GALNT6: variants seen among roughly 807,000 people sequenced by gnomAD.
The protein encoded by GALNT6 is polypeptide N-acetylgalactosaminyltransferase 6, also known as GalNAc transferase 6.
A neutral mutation model predicts 65.9 loss-of-function variants in GALNT6; 51 were observed. The observed-to-expected ratio is 0.77, with a 90% CI of 0.62 to 0.98. The LOEUF (loss-of-function observed/expected upper bound fraction) is 0.98. Ranked by LOEUF, GALNT6 falls within the 50% of genes least tolerant of loss-of-function variation. The pLI is 0.00. For synonymous variants in GALNT6, 323 were observed against 315.1 expected (o/e 1.02, Z -0.26); for missense variants, 708 against 803.3 (o/e 0.88, Z 1.43).
chr12:51,373,563 T>C (rs1271313420), intron 4 of GALNT6, among the ~76,000 whole-genome samples: 2 of 152,188 alleles, frequency 1.3e-5, no homozygotes, highest in African/African-American at 2.4e-5. Context: ...TAAATGAGAA[T>C]GGACTAATAC....
intron 5 of GALNT6, 117 bp from the exon 6 acceptor site, chr12:51,364,472 G>T (rs1051994846): frequency 4.3e-6 from 3 of 692,530 alleles, no homozygotes; most frequent in African/African-American, 1.8e-5. Context: ...CTGGGTTACA[G>T]GCAGCAAGCC....
intron 6 of GALNT6, among the ~76,000 whole-genome samples, chr12:51,362,993 G>C (rs1946971992): frequency 6.6e-6 from 1 of 152,076 alleles, no homozygotes; most frequent in Non-Finnish European, 1.5e-5. Flanking sequence ...GTGGGCCACT[G>C]TGCCTGGCAT....
At chr12:51,373,172 G>A (rs1392968526) in intron 4 of GALNT6, among the ~76,000 whole-genome samples, 3 of 152,120 alleles carry the variant, frequency 2.0e-5, no homozygotes, top group Non-Finnish European at 4.4e-5. Context: ...GGGGACTGTT[G>A]GAAAGGCATG....
At position 51,388,429 on chromosome 12, in the gene GALNT6, C is replaced by A. The variant is rs140504714; in HGVS notation, c.-104+2421G>T. Among the ~76,000 whole-genome samples the A allele has an allele frequency of 2.3e-3, 354 of 152,342 alleles. 1 individual carries two copies. The highest frequency in any genetic ancestry group is 4.3e-3 in the Non-Finnish European group (290 of 68,020). Reference sequence around the variant, plus strand: ...CAAGCCCAACCAGATGCTTGGCACTCACTGGCTATCTTTTCTTCCTCAAAG... The same window carrying A: ...CAAGCCCAACCAGATGCTTGGCACTAACTGGCTATCTTTTCTTCCTCAAAG... On this transcript the variant is annotated intron_variant, in intron 2 of 11. Transcript: ENST00000356317.
rs540067753 is a variant in GALNT6, at chr12:51,365,447, G to A, written c.797C>T (p.Thr266Met). The change falls in exon 5 of 12, where the codon ACG becomes ATG. Residue 266 changes from threonine (T) to methionine (M), a missense_variant. Thr to Met is a moderately conservative substitution (Grantham distance 81). Transcript: ENST00000356317. ...GASVAQAEVL[T>M]FLDAHCECFH... is the part of the protein sequence containing the mutation. ...GTACTCACAGTGGGCATCCAGGAAC[G>A]TGAGCACCTCCGCCTGTGCCACGCT... 38 of 1,610,578 alleles carry A rather than the reference G, an allele frequency of 2.4e-5. No homozygotes were observed. The Middle Eastern group carries it at 6.8e-4, about 29-fold the overall frequency.
chr12:51,365,508 G>T lies in GALNT6; in HGVS notation c.736C>A (p.Arg246=). ...QVVRVVRQEE[R]KGLITARLLG... ...AGCCGGGCGGTGATCAGCCCCTTCC[G>T]CTCCTCCTGCCGCACCACCCTCACC... is the stretch of plus-strand genomic sequence containing the variant. The change falls in exon 5 of 12, where the codon CGG becomes AGG. Residue 246 remains arginine (R), a synonymous_variant. Transcript: ENST00000356317. 1 of 1,612,600 alleles carries T rather than the reference G, an allele frequency of 6.2e-7. No homozygotes were observed. Among genetic ancestry groups the T allele is most frequent in the South Asian group, 1.1e-5 (1 of 91,010 alleles).
At chr12:51,389,455 G>T (rs192627980) in intron 2 of GALNT6, among the ~76,000 whole-genome samples, 1 of 152,296 alleles carries the variant, frequency 6.6e-6, no homozygotes, top group Non-Finnish European at 1.5e-5. Context: ...TTGCATTCAG[G>T]CCTATGTATC....
At chr12:51,376,080 G>T (rs1421516251) in intron 4 of GALNT6, among the ~76,000 whole-genome samples, 1 of 151,882 alleles carries the variant, frequency 6.6e-6, no homozygotes, top group Non-Finnish European at 1.5e-5. Flanking sequence ...GGCCAGGCTG[G>T]TCTCAAACTC....
chr12:51,352,061 G>A lies in GALNT6; in HGVS notation c.*2318C>T, dbSNP rs541762207. 3 of 152,372 alleles carry A rather than the reference G, an allele frequency of 2.0e-5. No homozygotes were observed. Among genetic ancestry groups the A allele is most frequent in the East Asian group, 3.9e-4 (2 of 5,186 alleles). The allele number at this position is 152,372 out of a possible 1,614,324, so 9.4% of individuals were successfully genotyped here. On this transcript the variant is annotated 3_prime_UTR_variant, in exon 12 of 12. Transcript: ENST00000356317. ...TGTAGGCGGCCTCCCGCAGGGTTGA[G>A]TTGCAATGGGAACAAAGACAGCTGT...
intron 2 of GALNT6, among the ~76,000 whole-genome samples, chr12:51,382,937 A>T (rs1480733193): frequency 6.6e-6 from 1 of 152,198 alleles, no homozygotes; most frequent in East Asian, 1.9e-4. Context: ...ATCTTATTGG[A>T]GAACGAGAAC....
At position 51,364,178 on chromosome 12, in the gene GALNT6, C is replaced by T; in HGVS notation, c.992G>A (p.Trp331Ter). The change falls in exon 6 of 12, where the codon TGG becomes TAG. Residue 331 changes from tryptophan (W) to a stop codon, truncating the protein, a stop_gained. Coordinates refer to ENST00000356317, the MANE Select transcript of GALNT6 (RefSeq NM_007210.4). LOFTEE classifies it high-confidence loss of function. ...CTTCTCATGTGGAGGAAGTGTTTCC[C>T]AGCCGAAGGTCAGGCTCCAGTCAAA... Reference protein sequence around the residue: ...GNFDWSLTFGWETLPPHEKQR... With the variant: ...GNFDWSLTFG 1.2e-6 allele frequency: 2 copies of T among 1,614,156 alleles called. No homozygotes were observed. The highest frequency in any genetic ancestry group is 1.7e-6 in the Non-Finnish European group (2 of 1,180,014).
At chr12:51,388,048 C>T (rs982331379) in intron 2 of GALNT6, among the ~76,000 whole-genome samples, 2 of 152,144 alleles carry the variant, frequency 1.3e-5, no homozygotes, top group Admixed American at 6.5e-5. Context: ...CCATTGCTGC[C>T]AGAAGCATTG....
intron 2 of GALNT6, chr12:51,383,632 C>A (rs528244151): frequency 6.6e-6 from 1 of 152,366 alleles, no homozygotes; most frequent in East Asian, 1.9e-4. Flanking sequence ...GGCATCTAAT[C>A]TCTCAATCCC....
intron 4 of GALNT6, among the ~76,000 whole-genome samples, chr12:51,370,600 A>G (rs10161379): frequency 0.025 from 3,763 of 152,346 alleles, 157 homozygotes; most frequent in African/African-American, 0.086. Context: ...GAAATAAGCC[A>G]GTCACAAAAG....
At chr12:51,365,927 G>A (rs1381134319) in intron 4 of GALNT6, among the ~76,000 whole-genome samples, 1 of 152,120 alleles carries the variant, frequency 6.6e-6, no homozygotes, top group Non-Finnish European at 1.5e-5. Context: ...ACTTTTTGTT[G>A]TTGTTGTTGA....
chr12:51,354,971 A>C (rs1013866884), intron 11 of GALNT6, among the ~76,000 whole-genome samples: 1 of 152,134 alleles, frequency 6.6e-6, no homozygotes, highest in Admixed American at 6.6e-5. Context: ...ATCCTGGAGC[A>C]GTGTGGTGTA....
chr12:51,355,747 G>A (rs916966368), intron 11 of GALNT6, 59 bp downstream of exon 11: 30 of 1,549,476 alleles, frequency 1.9e-5, no homozygotes, highest in Non-Finnish European at 2.5e-5. Context: ...GATTACAGGC[G>A]TGAGCCACCA....
At position 51,387,899 on chromosome 12, in the gene GALNT6, A is replaced by G. The variant is rs912433409; in HGVS notation, c.-104+2951T>C. On this transcript the variant is annotated intron_variant, in intron 2 of 11. Transcript: ENST00000356317. The surrounding 1 kb of genome is among the most constrained non-coding windows in gnomAD (Gnocchi z 4.2). Reference sequence around the variant, plus strand: ...GCTTAATGGGAGAGACTAGAATTGAATTTTTCCTTTTCTCCTCATCCCCCA... The same window carrying G: ...GCTTAATGGGAGAGACTAGAATTGAGTTTTTCCTTTTCTCCTCATCCCCCA... 6.6e-6 allele frequency among the ~76,000 whole-genome samples: 1 copy of G among 151,902 alleles called. No homozygotes were observed. Among genetic ancestry groups the G allele is most frequent in the Non-Finnish European group, 1.5e-5 (1 of 67,960 alleles).
At position 51,377,196 on chromosome 12, in the gene GALNT6, C is replaced by T. The variant is rs1947482890; in HGVS notation, c.663G>A (p.Glu221=). ...EIILVDDAST[E]EHLKEKLEQY... is the part of the protein sequence containing the mutation. Reference sequence around the variant, plus strand: ...TCCTCTGGGCCCCTCCAGCCTCACCCTCTGTGCTGGCATCATCCACCAGTA... The same window carrying T: ...TCCTCTGGGCCCCTCCAGCCTCACCTTCTGTGCTGGCATCATCCACCAGTA... The change falls in exon 4 of 12, where the codon GAG becomes GAA. Residue 221 remains glutamate, a splice_region_variant and synonymous_variant. Coordinates refer to ENST00000356317, the MANE Select transcript of GALNT6 (RefSeq NM_007210.4). 2 of 1,613,438 alleles carry T rather than the reference C, an allele frequency of 1.2e-6. No individual in the cohort carries two copies. Among genetic ancestry groups the T allele is most frequent in the East Asian group, 2.2e-5 (1 of 44,872 alleles).
Sources: allele counts gnomAD v4.1 joint callset (sites outside exome capture counted in the v4.1 genomes callset), GRCh38; gene constraint gnomAD v4.1.1; non-coding constraint Gnocchi (gnomAD v3.1); transcripts MANE v1.5; gene names NCBI Gene and HGNC (gene_info 2026-07-23, HGNC 2026-07-21).